Variants in ABHD2 observed in about 807,000 individuals in gnomAD.
The protein encoded by ABHD2 is abhydrolase domain containing 2, acylglycerol lipase, also known as monoacylglycerol lipase ABHD2.
In ABHD2, 20 loss-of-function variants were observed where a neutral mutation model predicts 48.1. The observed-to-expected ratio is 0.42, with a 90% CI of 0.29 to 0.60. The LOEUF is 0.60. Ranked by LOEUF, ABHD2 falls within the 20% of genes least tolerant of loss-of-function variation. ABHD2 has a pLI of 0.24. For missense variants in ABHD2, 405 were observed against 550.9 expected, an observed-to-expected ratio of 0.74 and a Z score of 2.65; for synonymous variants, 209 against 214.2, an observed-to-expected ratio of 0.98 and a Z score of 0.21.
chr15:89,115,109 G>A (rs1008228305), intron 2 of ABHD2, among the ~76,000 whole-genome samples: 5 of 152,172 alleles, frequency 3.3e-5, no homozygotes, highest in African/African-American at 1.2e-4. Context: ...TGTTCTGCCT[G>A]TCTCTAGCAC....
chr15:89,168,984 C>T lies in ABHD2; in HGVS notation c.539-6828C>T, dbSNP rs1487323222. 6.6e-6 allele frequency among the ~76,000 whole-genome samples: 1 copy of T among 152,086 alleles called. No homozygotes were observed. The highest frequency in any genetic ancestry group is 2.4e-5 in the African/African-American group (1 of 41,394). On this transcript the variant is annotated intron_variant, in intron 5 of 10. Transcript: ENST00000352732. This position sits in a 1 kb window ranked among gnomAD's most constrained non-coding sequence, Gnocchi z 4.8. ...GCATGTGCCTATAGTCCCAGCTACT[C>T]AAGAGGCTAAGGTGGAAGGACGTCT... is the stretch of plus-strand genomic sequence containing the variant.
the ABHD2 span, among the ~76,000 whole-genome samples, chr15:89,047,551 T>C: frequency 7.0e-5 from 10 of 143,162 alleles, no homozygotes; most frequent in East Asian, 1.4e-3. Flanking sequence ...TGTAGGTCAC[T>C]CAGGACTTGC....
In ABHD2 at chr15:89,097,537, T is replaced by C. The variant is rs1052616221; in HGVS notation, c.-107+8974T>C. ...TGATTGCTCTACCATTTATGTCTCT[T>C]TTAAGCTATAGGTCCCCTTTTCTTT... On this transcript the variant is annotated intron_variant, in intron 1 of 10. Coordinates refer to ENST00000352732, the MANE Select transcript of ABHD2 (RefSeq NM_152924.5). The surrounding 1 kb of genome is among the most constrained non-coding windows in gnomAD (Gnocchi z 4.2). 3.9e-5 allele frequency among the ~76,000 whole-genome samples: 6 copies of C among 152,234 alleles called. No homozygotes were observed. The highest frequency in any genetic ancestry group is 1.4e-4 in the African/African-American group (6 of 41,466).
Position 89,201,846 on chromosome 15 carries a change from C to CGGGGGACGATGGCGAGAGGGGA in ABHD2, c.*6430_*6451dup. 1 of 976,982 alleles carries CGGGGGACGATGGCGAGAGGGGA rather than the reference C, an allele frequency of 1.0e-6. No individual in the cohort carries two copies. Among genetic ancestry groups the CGGGGGACGATGGCGAGAGGGGA allele is most frequent in the Non-Finnish European group, 1.6e-6 (1 of 634,934 alleles). The allele number at this position is 976,982 out of a possible 1,614,324, so 60.5% of individuals were successfully genotyped here. On this transcript the variant is annotated 3_prime_UTR_variant, in exon 11 of 11. Transcript: ENST00000352732. Reference sequence around the variant, plus strand: ...CAGGGGGCGGCTTGCTCGCTGGGGGCGGGGGACGATGGCGAGAGGGGAGGG... The same window carrying CGGGGGACGATGGCGAGAGGGGA: ...CAGGGGGCGGCTTGCTCGCTGGGGGCGGGGGACGATGGCGAGAGGGGAGGGGGACGATGGCGAGAGGGGAGGG...
rs2049714879 is a variant in ABHD2, at chr15:89,102,390, C to G, written c.-106-11335C>G. 6.6e-6 allele frequency: 1 copy of G among 152,162 alleles called. No homozygotes were observed. Among genetic ancestry groups the G allele is most frequent in the East Asian group, 1.9e-4 (1 of 5,198 alleles). The allele number at this position is 152,162 out of a possible 1,614,324, so 9.4% of individuals were successfully genotyped here. A position where few individuals can be genotyped will look rare whatever the true frequency, so the allele number is the denominator to read the frequency against. Reference sequence around the variant, plus strand: ...TGTGTATCATACTTCTTTCATAGCCCCCACAGAGGTTAGAGTGATGTCTTT... The same window carrying G: ...TGTGTATCATACTTCTTTCATAGCCGCCACAGAGGTTAGAGTGATGTCTTT... On this transcript the variant is annotated intron_variant, in intron 1 of 10. Coordinates refer to ENST00000352732, the MANE Select transcript of ABHD2 (RefSeq NM_152924.5). This position sits in a 1 kb window ranked among gnomAD's most constrained non-coding sequence, Gnocchi z 4.8.
At chr15:89,181,140 CTCTT>C (rs1187351738) in intron 6 of ABHD2, among the ~76,000 whole-genome samples, 1 of 139,028 alleles carries the variant, frequency 7.2e-6, no homozygotes, top group Non-Finnish European at 1.5e-5. Context: ...GCAGGAAAAT[CTCTT>C]GAACCCAGAA....
At chr15:89,064,219 C>CTT in the ABHD2 span, among the ~76,000 whole-genome samples, 22,914 of 119,334 alleles carry the variant, frequency 0.19, 3,144 homozygotes, top group East Asian at 0.34. Flanking sequence ...ACATTGTGTC[C>CTT]TTTTTTTTTT....
At chr15:89,074,359 GA>G in the ABHD2 span, among the ~76,000 whole-genome samples, 5 of 150,700 alleles carry the variant, frequency 3.3e-5, no homozygotes, top group African/African-American at 1.2e-4. Context: ...TGGGGGGCAA[GA>G]GCGAAACTCC....
At chr15:89,169,086 C>T (rs570059331) in intron 5 of ABHD2, among the ~76,000 whole-genome samples, 1 of 151,762 alleles carries the variant, frequency 6.6e-6, no homozygotes, top group African/African-American at 2.4e-5. Flanking sequence ...AGAGCGAGAC[C>T]GTCTCAAAAA....
intron 3 of ABHD2, among the ~76,000 whole-genome samples, chr15:89,123,593 C>CTTTTTTTTTT (rs138910210): frequency 2.1e-4 from 20 of 96,682 alleles, no homozygotes; most frequent in African/African-American, 2.5e-4. Flanking sequence ...TTCTTTCTTT[C>CTTTTTTTTTT]TTTTTTTTTT....
Position 89,167,803 on chromosome 15 carries a change from G to C in ABHD2, c.539-8009G>C, listed in dbSNP as rs1192359049. On this transcript the variant is annotated intron_variant, in intron 5 of 10. Coordinates refer to ENST00000352732, the MANE Select transcript of ABHD2 (RefSeq NM_152924.5). This position sits in a 1 kb window ranked among gnomAD's most constrained non-coding sequence, Gnocchi z 5.5. ...TTTTACTATGGAAGTGACAGGGGCT[G>C]CTAGGCCCCTAACCGCCCACCTGTC... is the stretch of plus-strand genomic sequence containing the variant. Among the ~76,000 whole-genome samples the C allele has an allele frequency of 2.0e-5, 3 of 152,156 alleles. No individual in the cohort carries two copies. Among genetic ancestry groups the C allele is most frequent in the Non-Finnish European group, 4.4e-5 (3 of 68,024 alleles).
intron 3 of ABHD2, among the ~76,000 whole-genome samples, chr15:89,147,279 AT>A (rs1196185577): frequency 1.3e-5 from 2 of 151,828 alleles, no homozygotes; most frequent in Non-Finnish European, 2.9e-5. Flanking sequence ...AGGTTAATAC[AT>A]TTTTTAAAAC....
At chr15:89,127,739 A>ATATG (rs1180687602) in intron 3 of ABHD2, among the ~76,000 whole-genome samples, 2 of 139,238 alleles carry the variant, frequency 1.4e-5, no homozygotes, top group Non-Finnish European at 1.6e-5. Context: ...ATATATATAT[A>ATATG]TGTATATTTT....
chr15:89,148,777 T>C (rs2050540479), intron 3 of ABHD2, among the ~76,000 whole-genome samples: 1 of 152,208 alleles, frequency 6.6e-6, no homozygotes, highest in African/African-American at 2.4e-5. Context: ...TAAGTGGAAT[T>C]ATTGGCCGCT....
chr15:89,080,622 G>A, the ABHD2 span, among the ~76,000 whole-genome samples: 139 of 152,188 alleles, frequency 9.1e-4, no homozygotes, highest in African/African-American at 2.9e-3. Context: ...AGTTGGTGGA[G>A]GCTAACGGCT....
At chr15:89,044,924 C>T in the ABHD2 span, among the ~76,000 whole-genome samples, 1 of 150,600 alleles carries the variant, frequency 6.6e-6, no homozygotes, top group Non-Finnish European at 1.5e-5. Flanking sequence ...TCCCATTTGT[C>T]AATTTTGGCT....
At position 89,177,602 on chromosome 15, in the gene ABHD2, C is replaced by T. The variant is rs550970332; in HGVS notation, c.722+1607C>T. 3.3e-5 allele frequency among the ~76,000 whole-genome samples: 5 copies of T among 152,142 alleles called. No individual in the cohort carries two copies. Among genetic ancestry groups the T allele is most frequent in the Admixed American group, 1.3e-4 (2 of 15,276 alleles). On this transcript the variant is annotated intron_variant, in intron 6 of 10. Coordinates refer to ENST00000352732, the MANE Select transcript of ABHD2 (RefSeq NM_152924.5). This position sits in a 1 kb window ranked among gnomAD's most constrained non-coding sequence, Gnocchi z 5.6. ...TCAGTGGTCTCTCCAGCTGCTCTCGCGTTCCAGGACCAGGCTAGTCCCCCA... is the reference window on the plus strand; with the variant it reads ...TCAGTGGTCTCTCCAGCTGCTCTCGTGTTCCAGGACCAGGCTAGTCCCCCA...
At chr15:89,055,826 G>T in the ABHD2 span, among the ~76,000 whole-genome samples, 1 of 152,042 alleles carries the variant, frequency 6.6e-6, no homozygotes, top group Non-Finnish European at 1.5e-5. Flanking sequence ...TGTGGCTAAG[G>T]GAAAATGTAG....
At position 89,182,963 on chromosome 15, in the gene ABHD2, T is replaced by A. The variant is rs865795855; in HGVS notation, c.723-2461T>A. Reference sequence around the variant, plus strand: ...CATGAATTCATACCCCCATCTTGTTTCCTCTACACCTATCCATTCAACCCC... The same window carrying A: ...CATGAATTCATACCCCCATCTTGTTACCTCTACACCTATCCATTCAACCCC... On this transcript the variant is annotated intron_variant, in intron 6 of 10. Coordinates refer to ENST00000352732, the MANE Select transcript of ABHD2 (RefSeq NM_152924.5). The surrounding 1 kb of genome is among the most constrained non-coding windows in gnomAD (Gnocchi z 4.8). Among the ~76,000 whole-genome samples, 5 of 152,136 alleles carry A rather than the reference T, an allele frequency of 3.3e-5. No homozygotes were observed. Among genetic ancestry groups the A allele is most frequent in the Non-Finnish European group, 7.4e-5 (5 of 68,006 alleles).
Sources: allele counts gnomAD v4.1 joint callset (sites outside exome capture counted in the v4.1 genomes callset), GRCh38; gene constraint gnomAD v4.1.1; non-coding constraint Gnocchi (gnomAD v3.1); transcripts MANE v1.5; gene names NCBI Gene and HGNC (gene_info 2026-07-23, HGNC 2026-07-21).